The following GNB5 variants were observed in gnomAD, a reference collection of about 807,000 sequenced individuals.
GNB5 encodes guanine nucleotide-binding protein subunit beta-5.
Under a neutral mutation model 55.3 loss-of-function variants are expected in GNB5, and 37 were observed. The ratio of observed to expected loss-of-function variants is 0.67; its 90% CI spans 0.51 to 0.88. GNB5 has a LOEUF of 0.88. GNB5 is among the 40% of genes least tolerant of loss of function. The pLI is 0.00. For missense variants in GNB5, 476 were observed against 515.3 expected (o/e 0.92, Z 0.74); for synonymous variants, 219 against 198.5 (o/e 1.10, Z -0.87).
In GNB5 at chr15:52,141,250, C is replaced by A; in HGVS notation, c.517G>T (p.Val173Leu). The A allele has an allele frequency of 6.2e-7, 1 of 1,613,874 alleles. No individual in the cohort carries two copies. Among genetic ancestry groups the A allele is most frequent in the South Asian group, 1.1e-5 (1 of 91,062 alleles). ...ACGGLDNKCS[V>L]YPLTFDKNEN... ...TTTTTGTCAAACGTCAAGGGGTACACAGAACACTTATTATCCAAACCACTA... is the reference window on the plus strand; with the variant it reads ...TTTTTGTCAAACGTCAAGGGGTACAAAGAACACTTATTATCCAAACCACTA... Residue 173 changes from valine to leucine, a missense_variant, in exon 7 of 13, where the codon GTG becomes TTG. Coordinates refer to ENST00000261837, the MANE Select transcript of GNB5 (RefSeq NM_016194.4).
intron 9 of GNB5, 145 bp from the exon 10 acceptor site, chr15:52,128,389 T>C (rs1409215706): frequency 9.2e-6 from 6 of 649,786 alleles, no homozygotes; most frequent in Admixed American, 5.2e-5. Flanking sequence ...GAAGCTCCTA[T>C]GTCAGGCCCA....
chr15:52,157,405 C>G (rs1170927363), intron 3 of GNB5, among the ~76,000 whole-genome samples: 1 of 151,830 alleles, frequency 6.6e-6, no homozygotes, highest in African/African-American at 2.4e-5. Flanking sequence ...TACAACCATG[C>G]CCAGCTAATT....
chr15:52,147,602 T>A, intron 5 of GNB5, 67 bp from the exon 6 acceptor site: 1 of 833,386 alleles, frequency 1.2e-6, no homozygotes, highest in Non-Finnish European at 1.9e-6. Flanking sequence ...TTTCTTTTTT[T>A]TTGAGATGGA....
intron 1 of GNB5, among the ~76,000 whole-genome samples, chr15:52,189,175 T>G (rs1323448897): frequency 6.6e-6 from 1 of 152,156 alleles, no homozygotes; most frequent in African/African-American, 2.4e-5. Flanking sequence ...GAAGGTAAAG[T>G]GGGGTAGCCG....
In GNB5 at chr15:52,157,716, CA is replaced by C. The variant is rs904671495; in HGVS notation, c.239-3641del. Reference sequence around the variant, plus strand: ...TAATAAAAAAGATGATTCACCCAACCAAAATAGGGCCCTCCTTACATAATGT... The same window carrying C: ...TAATAAAAAAGATGATTCACCCAACCAAATAGGGCCCTCCTTACATAATGT... On this transcript the variant is annotated intron_variant, in intron 3 of 12. Transcript: ENST00000261837. Among the ~76,000 whole-genome samples, 49 of 152,028 alleles carry C rather than the reference CA, an allele frequency of 3.2e-4. 1 individual carries two copies. Among genetic ancestry groups the C allele is most frequent in the Non-Finnish European group, 1.2e-4 (8 of 68,022 alleles).
At position 52,117,367 on chromosome 15, in the gene GNB5, A is replaced by G. The variant is rs1354936700; in HGVS notation, c.*5390T>C. On this transcript the variant is annotated 3_prime_UTR_variant, in exon 13 of 13. Coordinates refer to ENST00000261837, the MANE Select transcript of GNB5 (RefSeq NM_016194.4). ...ATTTAGGTTGACAGGAACATTCAAAATTCTCTCTTCTAGCTACTTGAAAAT... is the reference window on the plus strand; with the variant it reads ...ATTTAGGTTGACAGGAACATTCAAAGTTCTCTCTTCTAGCTACTTGAAAAT... 6.6e-6 allele frequency: 1 copy of G among 152,150 alleles called. No homozygotes were observed. Among genetic ancestry groups the G allele is most frequent in the East Asian group, 1.9e-4 (1 of 5,168 alleles). The allele number at this position is 152,150 out of a possible 1,614,324, so 9.4% of individuals were successfully genotyped here. A position where few individuals can be genotyped will look rare whatever the true frequency, so the allele number is the denominator to read the frequency against.
At chr15:52,137,300 G>A in intron 7 of GNB5, 1 of 1,112,536 alleles carries the variant, frequency 9.0e-7, no homozygotes, top group African/African-American at 1.6e-5. Context: ...ATCCAGGTGT[G>A]CACACAGGAG....
intron 3 of GNB5, among the ~76,000 whole-genome samples, chr15:52,157,016 A>G (rs1364770347): frequency 2.0e-5 from 3 of 150,918 alleles, no homozygotes; most frequent in Non-Finnish European, 4.4e-5. Context: ...GCTCACTGCA[A>G]GCTCTGCCTC....
At chr15:52,156,862 T>A (rs551887898) in intron 3 of GNB5, among the ~76,000 whole-genome samples, 1 of 152,208 alleles carries the variant, frequency 6.6e-6, no homozygotes, top group African/African-American at 2.4e-5. Flanking sequence ...ACAAACAGCA[T>A]ATTCGTCTTT....
At chr15:52,135,503 A>G in intron 8 of GNB5, 110 bp downstream of exon 8, 1 of 936,468 alleles carries the variant, frequency 1.1e-6, no homozygotes, top group Non-Finnish European at 1.6e-6. Context: ...CAATTCCTGC[A>G]GCCCCTTCTA....
chr15:52,131,757 G>C (rs2033581492), intron 9 of GNB5, among the ~76,000 whole-genome samples: 1 of 152,124 alleles, frequency 6.6e-6, no homozygotes, highest in Non-Finnish European at 1.5e-5. Flanking sequence ...GTTTTTAAGA[G>C]AAATAATTCT....
chr15:52,177,028 C>CTT (rs545411940), intron 3 of GNB5, among the ~76,000 whole-genome samples: 13,604 of 78,030 alleles, frequency 0.17, 1,563 homozygotes, highest in African/African-American at 0.23. Flanking sequence ...CTAGCTCCTC[C>CTT]TTTTTTTTTT....
chr15:52,179,918 G>T, intron 2 of GNB5, 39 bp from the exon 3 acceptor site: 1 of 1,481,478 alleles, frequency 6.8e-7, no homozygotes, highest in South Asian at 1.3e-5. Context: ...AGCGGAGAGC[G>T]GGAATGCGCT....
chr15:52,176,654 G>A (rs1049738961), intron 3 of GNB5, among the ~76,000 whole-genome samples: 4 of 152,188 alleles, frequency 2.6e-5, no homozygotes, highest in South Asian at 2.1e-4. Flanking sequence ...CAAGTGGCAC[G>A]CAAGGTAGGC....
intron 10 of GNB5, among the ~76,000 whole-genome samples, chr15:52,126,522 T>C (rs971262155): frequency 6.6e-6 from 1 of 152,216 alleles, no homozygotes; most frequent in African/African-American, 2.4e-5. Context: ...CATTAGGTTA[T>C]ACGTCCTTTC....
rs1315497143 is a variant in GNB5, at chr15:52,122,565, A to G, written c.*192T>C. 1.7e-6 allele frequency: 1 copy of G among 593,320 alleles called. No individual in the cohort carries two copies. Among genetic ancestry groups the G allele is most frequent in the East Asian group, 2.7e-5 (1 of 36,658 alleles). The allele number at this position is 593,320 out of a possible 1,614,324, so 36.8% of individuals were successfully genotyped here. ...CTTGAAGGTATTCTCGCAGTGCTGA[A>G]GGCTCACACTAGTGTATTTCCAGAG... On this transcript the variant is annotated 3_prime_UTR_variant, in exon 13 of 13. Transcript: ENST00000261837.
intron 3 of GNB5, among the ~76,000 whole-genome samples, chr15:52,159,151 G>A (rs1403195963): frequency 6.6e-6 from 1 of 152,174 alleles, no homozygotes; most frequent in Non-Finnish European, 1.5e-5. Context: ...CAACCTGATT[G>A]CAGAGTAAGG....
At chr15:52,170,660 A>G (rs776707482) in intron 3 of GNB5, among the ~76,000 whole-genome samples, 129 of 151,228 alleles carry the variant, frequency 8.5e-4, no homozygotes, top group Non-Finnish European at 2.2e-4. Flanking sequence ...ATGTTTACCT[A>G]TGTAACAAAA....
At chr15:52,177,051 T>TTC (rs1472468104) in intron 3 of GNB5, among the ~76,000 whole-genome samples, 1 of 147,712 alleles carries the variant, frequency 6.8e-6, no homozygotes, top group African/African-American at 2.5e-5. Context: ...TTTTTTTTTT[T>TTC]TGAGACGGAG....
Sources: allele counts gnomAD v4.1 joint callset (sites outside exome capture counted in the v4.1 genomes callset), GRCh38; gene constraint gnomAD v4.1.1; transcripts MANE v1.5; gene names NCBI Gene and HGNC (gene_info 2026-07-23, HGNC 2026-07-21).